Variants in MIPOL1 observed in about 807,000 individuals in gnomAD.
MIPOL1 encodes the protein mirror-image polydactyly 1, also known as mirror-image polydactyly gene 1 protein.
Under a neutral mutation model 60.9 loss-of-function variants are expected in MIPOL1, and 57 were observed. The observed-to-expected ratio is 0.94, with a 90% CI of 0.76 to 1.17. The LOEUF (loss-of-function observed/expected upper bound fraction) is 1.17. MIPOL1 is among the 50% of genes most tolerant of loss of function. The pLI is 0.00. For synonymous variants in MIPOL1, 179 were observed against 168.8 expected (o/e 1.06, Z -0.47); for missense variants, 551 against 511.6 (o/e 1.08, Z -0.74).
At chr14:37,420,863 A>G (rs571643762) in intron 10 of MIPOL1, among the ~76,000 whole-genome samples, 1 of 152,210 alleles carries the variant, frequency 6.6e-6, no homozygotes, top group Non-Finnish European at 1.5e-5. Flanking sequence ...GAACAAGATC[A>G]CTGTAGCATA....
At chr14:37,520,926 CTTTTTTTTTT>C (rs11299536) in intron 12 of MIPOL1, among the ~76,000 whole-genome samples, 5 of 47,732 alleles carry the variant, frequency 1.0e-4, no homozygotes, top group Non-Finnish European at 1.7e-4. Flanking sequence ...TAACATTTTA[CTTTTTTTTTT>C]TTTTTTTTTT....
intron 11 of MIPOL1, among the ~76,000 whole-genome samples, chr14:37,458,206 A>G (rs1004760008): frequency 6.6e-6 from 1 of 152,200 alleles, no homozygotes; most frequent in Non-Finnish European, 1.5e-5. Flanking sequence ...ATAAACAGCA[A>G]TACAATAATA....
In MIPOL1 at chr14:37,547,129, GT is replaced by G. The variant is rs1251280801; in HGVS notation, c.*161del. On this transcript the variant is annotated 3_prime_UTR_variant, in exon 13 of 13. Transcript: ENST00000684589. ...GCTGAGATAAAATCAAATCACAAAT[GT>G]TTAACCACTTTGCTGCTGACTTGAG... is the stretch of plus-strand genomic sequence containing the variant. The G allele has an allele frequency of 4.8e-5, 29 of 603,436 alleles. No individual in the cohort carries two copies. Among genetic ancestry groups the G allele is most frequent in the Non-Finnish European group, 8.4e-5 (29 of 343,730 alleles). 37.4% of individuals were successfully genotyped at this position (603,436 alleles called of 1,614,324 possible).
At chr14:37,532,339 TACTA>T (rs2153636806) in intron 12 of MIPOL1, among the ~76,000 whole-genome samples, 1 of 152,278 alleles carries the variant, frequency 6.6e-6, no homozygotes, top group East Asian at 1.9e-4. Flanking sequence ...GTTCCTATGT[TACTA>T]ACTTACTACC....
chr14:37,204,721 C>T (rs983350357), intron 1 of MIPOL1, among the ~76,000 whole-genome samples: 4 of 152,024 alleles, frequency 2.6e-5, no homozygotes, highest in South Asian at 2.1e-4. Flanking sequence ...AGCGTGAAAA[C>T]GGACTAACAC....
In MIPOL1 at chr14:37,232,653, T is replaced by C. The variant is rs142197569; in HGVS notation, c.-198-14450T>C. Among the ~76,000 whole-genome samples the C allele has an allele frequency of 6.0e-3, 921 of 152,352 alleles. 7 individuals are homozygous for C. The highest frequency in any genetic ancestry group is 0.019 in the African/African-American group (799 of 41,576). On this transcript the variant is annotated intron_variant, in intron 1 of 12. Coordinates refer to ENST00000684589, the MANE Select transcript of MIPOL1 (RefSeq NM_001388067.1). The stretch of plus-strand genomic sequence containing the variant: ...TGTTCTTCTCTTTCAGCAATACTTG[T>C]ACCTTTTTATAGTATTGATGGAGGC...
At chr14:37,487,603 A>G (rs1055419781) in intron 11 of MIPOL1, among the ~76,000 whole-genome samples, 2 of 152,178 alleles carry the variant, frequency 1.3e-5, no homozygotes, top group Non-Finnish European at 2.9e-5. Flanking sequence ...CAATTCTTCT[A>G]GATTTTCTAG....
chr14:37,358,017 G>A (rs775577027), intron 9 of MIPOL1, among the ~76,000 whole-genome samples: 46 of 151,624 alleles, frequency 3.0e-4, no homozygotes, highest in Non-Finnish European at 4.7e-4. Context: ...AGGCCCCCGT[G>A]TGTGATGTTC....
chr14:37,461,711 T>C (rs1001073463), intron 11 of MIPOL1, among the ~76,000 whole-genome samples: 12 of 152,150 alleles, frequency 7.9e-5, no homozygotes, highest in African/African-American at 2.7e-4. Flanking sequence ...AAAGGGGCTA[T>C]AGGACCCATG....
chr14:37,525,850 T>A lies in MIPOL1; in HGVS notation c.1263-21055T>A, dbSNP rs141892896. 1.3e-4 allele frequency among the ~76,000 whole-genome samples: 20 copies of A among 152,336 alleles called. No individual in the cohort carries two copies. The East Asian group carries it at 3.7e-3, about 28-fold the overall frequency. On this transcript the variant is annotated intron_variant, in intron 12 of 12. Transcript: ENST00000684589. ...TGTCCGTAAGAAAAGTTGGACCTGA[T>A]AAATTAACAGTAAAGATAACCAGTG...
At chr14:37,305,101 T>C (rs969220781) in intron 7 of MIPOL1, among the ~76,000 whole-genome samples, 3 of 151,860 alleles carry the variant, frequency 2.0e-5, no homozygotes, top group African/African-American at 7.2e-5. Flanking sequence ...CATGTATAGC[T>C]GTTTCAAATC....
At chr14:37,448,321 G>C (rs1444236442) in intron 11 of MIPOL1, among the ~76,000 whole-genome samples, 1 of 152,068 alleles carries the variant, frequency 6.6e-6, no homozygotes, top group African/African-American at 2.4e-5. Flanking sequence ...AGGCAGCACA[G>C]AATCTGAAGT....
intron 11 of MIPOL1, among the ~76,000 whole-genome samples, chr14:37,491,439 G>A (rs1330124088): frequency 1.3e-5 from 2 of 152,140 alleles, no homozygotes; most frequent in East Asian, 3.9e-4. Flanking sequence ...TGAGGTAGTA[G>A]AATCGCTTGA....
intron 12 of MIPOL1, among the ~76,000 whole-genome samples, chr14:37,509,719 G>A (rs371402971): frequency 8.0e-5 from 12 of 149,756 alleles, no homozygotes; most frequent in East Asian, 2.0e-4. Flanking sequence ...GTTTATGTAC[G>A]TTTATACACA....
chr14:37,262,683 G>A (rs1163033339), intron 3 of MIPOL1, among the ~76,000 whole-genome samples: 2 of 152,082 alleles, frequency 1.3e-5, no homozygotes, highest in East Asian at 3.9e-4. Flanking sequence ...TTAAGAGGCA[G>A]GCGATCCATT....
At chr14:37,270,945 G>C (rs1044474741) in intron 6 of MIPOL1, among the ~76,000 whole-genome samples, 10 of 151,880 alleles carry the variant, frequency 6.6e-5, no homozygotes, top group African/African-American at 2.4e-4. Context: ...CATTGCCAAT[G>C]GAAACCTACA....
At chr14:37,445,345 C>A (rs1438452309) in intron 11 of MIPOL1, among the ~76,000 whole-genome samples, 5 of 152,084 alleles carry the variant, frequency 3.3e-5, no homozygotes, top group Non-Finnish European at 7.3e-5. Flanking sequence ...GAATAAAATA[C>A]CTAAGAATCC....
intron 1 of MIPOL1, among the ~76,000 whole-genome samples, chr14:37,245,640 T>C (rs995811953): frequency 6.6e-6 from 1 of 152,114 alleles, no homozygotes; most frequent in South Asian, 2.1e-4. Flanking sequence ...TCTCCAAAAA[T>C]ATTGGTGTAG....
intron 9 of MIPOL1, among the ~76,000 whole-genome samples, chr14:37,349,938 T>C (rs1347744073): frequency 6.6e-6 from 1 of 152,202 alleles, no homozygotes; most frequent in African/African-American, 2.4e-5. Flanking sequence ...AGAATGGTGA[T>C]ATTTAAGCAG....
Sources: allele counts gnomAD v4.1 joint callset (sites outside exome capture counted in the v4.1 genomes callset), GRCh38; gene constraint gnomAD v4.1.1; transcripts MANE v1.5; gene names NCBI Gene and HGNC (gene_info 2026-07-23, HGNC 2026-07-21).